DDR1: variants seen among roughly 807,000 people sequenced by gnomAD.
DDR1 encodes discoidin domain receptor tyrosine kinase 1.
DDR1 carries 64 observed loss-of-function variants against 97.4 expected under a neutral mutation model. That is an observed-to-expected ratio of 0.66 (90% CI 0.54 to 0.81). The LOEUF is 0.81. Among genes scored for constraint, DDR1 ranks in the 30% least tolerant of loss-of-function variants. The pLI is 0.00. For synonymous variants in DDR1, 458 were observed against 503.7 expected, an observed-to-expected ratio of 0.91 and a Z score of 1.21; for missense variants, 990 against 1,259.6, an observed-to-expected ratio of 0.79 and a Z score of 3.24.
In DDR1 at chr6:30,899,370, A is replaced by G. The variant is rs1792165014; in HGVS notation, c.*74A>G. On this transcript the variant is annotated 3_prime_UTR_variant, in exon 18 of 18. Coordinates refer to ENST00000376568, the MANE Select transcript of DDR1 (RefSeq NM_001297654.2). ...AGTGACACTAAAACAAGAGGACACA[A>G]TGGCACCTCTGCCCTTCCCCTCCCG... 6.5e-7 allele frequency: 1 copy of G among 1,530,610 alleles called. No individual in the cohort carries two copies. Among genetic ancestry groups the G allele is most frequent in the South Asian group, 1.3e-5 (1 of 79,304 alleles). The allele number at this position is 1,530,610 out of a possible 1,614,324, so 94.8% of individuals were successfully genotyped here. A position where few individuals can be genotyped will look rare whatever the true frequency, so the allele number is the denominator to read the frequency against.
In DDR1 at chr6:30,888,852, C is replaced by T; in HGVS notation, c.85+38C>T. The T allele has an allele frequency of 5.6e-6, 9 of 1,612,942 alleles. No homozygotes were observed. Among genetic ancestry groups the T allele is most frequent in the Non-Finnish European group, 7.6e-6 (9 of 1,179,994 alleles). Reference sequence around the variant, plus strand: ...AATCATGGGTCCCTGAGGGCCAGGGCTTGGGAGGTAGAGAGTTGGGGGCCT... The same window carrying T: ...AATCATGGGTCCCTGAGGGCCAGGGTTTGGGAGGTAGAGAGTTGGGGGCCT... On this transcript the variant is annotated intron_variant, in intron 2 of 17. Transcript: ENST00000376568. This position sits in a 1 kb window ranked among gnomAD's most constrained non-coding sequence, Gnocchi z 4.2.
Position 30,897,843 on chromosome 6 carries a change from C to T in DDR1, c.2217-230C>T, listed in dbSNP as rs1296959391. The stretch of plus-strand genomic sequence containing the variant: ...CCATGACGTCCCTTCTGCTTTCTCT[C>T]ACCCTCACTCCCCTCTGAGTCCAGA... On this transcript the variant is annotated intron_variant, in intron 15 of 17. Transcript: ENST00000376568. The surrounding 1 kb of genome is among the most constrained non-coding windows in gnomAD (Gnocchi z 5.2). 6.6e-6 allele frequency among the ~76,000 whole-genome samples: 1 copy of T among 152,226 alleles called. No individual in the cohort carries two copies. Among genetic ancestry groups the T allele is most frequent in the East Asian group, 1.9e-4 (1 of 5,200 alleles).
chr6:30,896,474 A>G (rs549298619), intron 12 of DDR1, 147 bp from the exon 13 acceptor site: 5 of 1,020,448 alleles, frequency 4.9e-6, no homozygotes, highest in African/African-American at 1.6e-5. Flanking sequence ...AGGTTGGCGC[A>G]TGGAATACTG....
chr6:30,899,898 T>C lies in DDR1; in HGVS notation c.*602T>C, dbSNP rs1466073304. ...CACCCCCACTTCCCACTTGCAGTCT[T>C]GTAGCTAGAACTTCTCTAAGCCTAT... On this transcript the variant is annotated 3_prime_UTR_variant, in exon 18 of 18. Coordinates refer to ENST00000376568, the MANE Select transcript of DDR1 (RefSeq NM_001297654.2). 1 of 477,142 alleles carries C rather than the reference T, an allele frequency of 2.1e-6. No homozygotes were observed. The highest frequency in any genetic ancestry group is 3.3e-4 in the Middle Eastern group (1 of 2,990). The allele number at this position is 477,142 out of a possible 1,614,324, so 29.6% of individuals were successfully genotyped here. A position where few individuals can be genotyped will look rare whatever the true frequency, so the allele number is the denominator to read the frequency against.
At position 30,899,289 on chromosome 6, in the gene DDR1, C is replaced by G. The variant is rs373308255; in HGVS notation, c.2735C>G (p.Thr912Arg). The G allele has an allele frequency of 6.2e-7, 1 of 1,607,180 alleles. No homozygotes were observed. The highest frequency in any genetic ancestry group is 8.5e-7 in the Non-Finnish European group (1 of 1,174,934). Residue 912 changes from threonine (T) to arginine (R), a missense_variant, in exon 18 of 18, where the codon ACG becomes AGG. Thr to Arg is a moderately conservative substitution (Grantham distance 71). Coordinates refer to ENST00000376568, the MANE Select transcript of DDR1 (RefSeq NM_001297654.2). Reference sequence around the variant, plus strand: ...TTCCTGGCAGAGGATGCACTCAACACGGTGTGAATCACACATCCAGCTGCC... The same window carrying G: ...TTCCTGGCAGAGGATGCACTCAACAGGGTGTGAATCACACATCCAGCTGCC... Reference protein sequence around the residue: ...HRFLAEDALNTV With the variant: ...HRFLAEDALNRV
In DDR1 at chr6:30,884,842, C is replaced by T. The variant is rs538816560; in HGVS notation, c.-43+132C>T. On this transcript the variant is annotated intron_variant, in intron 1 of 17. Coordinates refer to ENST00000376568, the MANE Select transcript of DDR1 (RefSeq NM_001297654.2). This position sits in a 1 kb window ranked among gnomAD's most constrained non-coding sequence, Gnocchi z 6.1. ...AGCCATGCTTGGTCGTCCAGCTCTT[C>T]TAAGCCTCCCTGCCCGCCTCCCCGA... 2 of 231,000 alleles carry T rather than the reference C, an allele frequency of 8.7e-6. No homozygotes were observed. The highest frequency in any genetic ancestry group is 2.2e-5 in the African/African-American group (1 of 44,540). 14.3% of individuals were successfully genotyped at this position (231,000 alleles called of 1,614,324 possible).
chr6:30,896,592 T>A, intron 12 of DDR1, 29 bp from the exon 13 acceptor site: 1 of 1,602,524 alleles, frequency 6.2e-7, no homozygotes, highest in Non-Finnish European at 8.5e-7. Flanking sequence ...TGATGCCTCG[T>A]CCTGTCTTCT....
chr6:30,887,106 A>C (rs989237634), intron 1 of DDR1: 2 of 152,140 alleles, frequency 1.3e-5, no homozygotes, highest in African/African-American at 4.8e-5. Context: ...CTAGAGGGCT[A>C]TAGGGGACAG....
chr6:30,888,990 C>T lies in DDR1; in HGVS notation c.168C>T (p.Ser56=). The T allele has an allele frequency of 6.2e-7, 1 of 1,612,866 alleles. No homozygotes were observed. Among genetic ancestry groups the T allele is most frequent in the Non-Finnish European group, 8.5e-7 (1 of 1,179,976 alleles). ...CTGCTTCCAGCTCCTGGTCAGATTC[C>T]ACTGCCGCCCGCCACAGCAGGTACT... ...DISASSSWSD[S]TAARHSRLES... is the part of the protein sequence containing the mutation. The change falls in exon 3 of 18, where the codon TCC becomes TCT. Residue 56 remains serine (S), a synonymous_variant. Coordinates refer to ENST00000376568, the MANE Select transcript of DDR1 (RefSeq NM_001297654.2). This position sits in a 1 kb window ranked among gnomAD's most constrained non-coding sequence, Gnocchi z 4.2.
rs993243737 is a variant in DDR1, at chr6:30,893,441, A to G, written c.1347+18A>G. The G allele has an allele frequency of 1.9e-6, 3 of 1,596,168 alleles. No homozygotes were observed. Among genetic ancestry groups the G allele is most frequent in the Non-Finnish European group, 2.5e-6 (3 of 1,177,066 alleles). ...TCAGCAAGGTGGGCACAGCCGTGGC[A>G]TGTGGAGTGGCGGGGGGAGGCCAGG... On this transcript the variant is annotated intron_variant, in intron 10 of 17. Transcript: ENST00000376568.
At chr6:30,887,719 A>G (rs1487129056) in intron 1 of DDR1, among the ~76,000 whole-genome samples, 1 of 152,170 alleles carries the variant, frequency 6.6e-6, no homozygotes, top group East Asian at 1.9e-4. Flanking sequence ...TATGTCTTAC[A>G]AAAGGTACCA....
Position 30,891,102 on chromosome 6 carries a change from T to C in DDR1, c.547T>C (p.Tyr183His). ...GAGCGTCTGTCTGCGGGTAGAGCTC[T>C]ATGGCTGCCTCTGGAGGGGTGAGTG... ...VMSVCLRVEL[Y>H]GCLWRDGLLS... is the part of the protein sequence containing the mutation. The change falls in exon 5 of 18, where the codon TAT (tyrosine) becomes CAT (histidine). Residue 183 changes from tyrosine to histidine, a missense_variant. Physicochemically the swap from Tyr to His is moderately conservative, Grantham distance 83. Transcript: ENST00000376568. This position sits in a 1 kb window ranked among gnomAD's most constrained non-coding sequence, Gnocchi z 5.3. The C allele has an allele frequency of 1.2e-6, 2 of 1,612,946 alleles. No homozygotes were observed. The highest frequency in any genetic ancestry group is 1.7e-6 in the Non-Finnish European group (2 of 1,180,000).
intron 11 of DDR1, among the ~76,000 whole-genome samples, chr6:30,895,128 A>C (rs1434761713): frequency 6.6e-6 from 1 of 151,932 alleles, no homozygotes; most frequent in African/African-American, 2.4e-5. Context: ...TCATCCATCT[A>C]TCCATCTATA....
chr6:30,899,129 A>T lies in DDR1; in HGVS notation c.2602-27A>T, dbSNP rs763636729. ...GAGACTAAAGAATATTTGTTCCCTG[A>T]CTCTCATCCACACTGCCACAATGCA... On this transcript the variant is annotated intron_variant, in intron 17 of 17. Coordinates refer to ENST00000376568, the MANE Select transcript of DDR1 (RefSeq NM_001297654.2). 2.5e-5 allele frequency: 40 copies of T among 1,613,974 alleles called. No individual in the cohort carries two copies. In the South Asian group the frequency reaches 3.8e-4, roughly 16 times the overall value.
At chr6:30,893,525 G>A in intron 10 of DDR1, 102 bp downstream of exon 10, 1 of 1,475,306 alleles carries the variant, frequency 6.8e-7, no homozygotes, top group Non-Finnish European at 9.0e-7. Context: ...AGCATCCCAA[G>A]AGGAGGGCTT....
In DDR1 at chr6:30,898,163, G is replaced by A. The variant is rs748824831; in HGVS notation, c.2307G>A (p.Thr769=). The part of the protein sequence containing the change: ...TLNFVHRDLA[T]RNCLVGENFT... ...ACTTTGTACATCGGGACCTGGCCACGCGGAACTGCCTAGTTGGGGAAAATT... is the reference window on the plus strand; with the variant it reads ...ACTTTGTACATCGGGACCTGGCCACACGGAACTGCCTAGTTGGGGAAAATT... Residue 769 remains threonine, a synonymous_variant, in exon 16 of 18, where the codon ACG becomes ACA. Coordinates refer to ENST00000376568, the MANE Select transcript of DDR1 (RefSeq NM_001297654.2). 19 of 1,614,144 alleles carry A rather than the reference G, an allele frequency of 1.2e-5. No individual in the cohort carries two copies. The highest frequency in any genetic ancestry group is 1.5e-5 in the Non-Finnish European group (18 of 1,180,058).
rs1467745639 is a variant in DDR1 at position 30,898,236 on chromosome 6, G to A, written c.2380G>A (p.Gly794Arg). Reference protein sequence around the residue: ...DFGMSRNLYAGDYYRVQGRAV... With the variant: ...DFGMSRNLYARDYYRVQGRAV... ...TGGCATGAGCCGGAACCTCTATGCT[G>A]GGGACTATTACCGTGTGCAGGGCCG... Residue 794 changes from glycine to arginine, a missense_variant, in exon 16 of 18, where the codon GGG (glycine) becomes AGG (arginine). Coordinates refer to ENST00000376568, the MANE Select transcript of DDR1 (RefSeq NM_001297654.2). 3 of 1,614,240 alleles carry A rather than the reference G, an allele frequency of 1.9e-6. No homozygotes were observed. The highest frequency in any genetic ancestry group is 2.5e-6 in the Non-Finnish European group (3 of 1,180,046).
chr6:30,889,302 G>C lies in DDR1; in HGVS notation c.289G>C (p.Val97Leu), dbSNP rs1200710305. The change falls in exon 4 of 18, where the codon GTG becomes CTG. Residue 97 changes from valine to leucine, a missense_variant. Val to Leu is a conservative substitution (Grantham distance 32, BLOSUM62 1). Coordinates refer to ENST00000376568, the MANE Select transcript of DDR1 (RefSeq NM_001297654.2). This position sits in a 1 kb window ranked among gnomAD's most constrained non-coding sequence, Gnocchi z 4.9. Reference protein sequence around the residue: ...LQVDLQRLHLVALVGTQGRHA... With the variant: ...LQVDLQRLHLLALVGTQGRHA... ...GGTGGATCTACAACGACTGCACCTG[G>C]TGGCTCTGGTGGGCACCCAGGGACG... The C allele has an allele frequency of 1.2e-6, 2 of 1,612,814 alleles. No individual in the cohort carries two copies. Among genetic ancestry groups the C allele is most frequent in the East Asian group, 2.2e-5 (1 of 44,882 alleles).
chr6:30,892,889 T>C, intron 8 of DDR1, 179 bp from the exon 9 acceptor site: 1 of 635,636 alleles, frequency 1.6e-6, no homozygotes, highest in East Asian at 2.8e-5. Context: ...AACTATAGGG[T>C]TAACACCCAC....
Sources: gnomAD v4.1 joint callset for allele counts (sites outside exome capture counted in the v4.1 genomes callset) on GRCh38, gnomAD v4.1.1 for gene constraint, Gnocchi (gnomAD v3.1) non-coding constraint, MANE v1.5 for transcripts, NCBI Gene and HGNC (gene_info 2026-07-23, HGNC 2026-07-21) for gene names.